The following ANTXRL variants were observed in gnomAD, a reference collection of about 807,000 sequenced individuals.
ANTXRL encodes the protein anthrax toxin receptor-like.
A neutral mutation model predicts 75.4 loss-of-function variants in ANTXRL; 63 were observed. That is an observed-to-expected ratio of 0.84 (90% CI 0.68 to 1.03). The LOEUF (loss-of-function observed/expected upper bound fraction) is 1.03. Ranked by LOEUF, ANTXRL falls within the 50% of genes least tolerant of loss-of-function variation. The pLI is 0.00. For synonymous variants in ANTXRL, 335 were observed against 291.3 expected, an observed-to-expected ratio of 1.15 and a Z score of -1.53; for missense variants, 797 against 789.4, an observed-to-expected ratio of 1.01 and a Z score of -0.12.
At chr10:46,327,202 G>A (rs1554966677) in intron 16 of ANTXRL, among the ~76,000 whole-genome samples, 1 of 152,150 alleles carries the variant, frequency 6.6e-6, no homozygotes, top group African/African-American at 2.4e-5. Flanking sequence ...GCTGGGCTGT[G>A]ATTGCCTGAA....
chr10:46,313,216 A>T lies in ANTXRL; in HGVS notation c.1330-20A>T. ...AGTGTCCAAGCTGCATGTCTTCCTC[A>T]TGGCCACGTTGCTTTTCAGGGCAAT... On this transcript the variant is annotated intron_variant, in intron 15 of 16. Transcript: ENST00000620264. 2.0e-6 allele frequency: 3 copies of T among 1,534,744 alleles called. No homozygotes were observed. The highest frequency in any genetic ancestry group is 2.6e-6 in the Non-Finnish European group (3 of 1,145,778).
At chr10:46,293,378 G>A (rs1479815242) in intron 2 of ANTXRL, among the ~76,000 whole-genome samples, 7 of 143,534 alleles carry the variant, frequency 4.9e-5, no homozygotes, top group Admixed American at 1.4e-4. Flanking sequence ...GTGCCTGTGT[G>A]TGAGTGTGTG....
chr10:46,293,407 T>C (rs1837148326), intron 2 of ANTXRL, among the ~76,000 whole-genome samples: 1 of 149,804 alleles, frequency 6.7e-6, no homozygotes, highest in Admixed American at 6.7e-5. Flanking sequence ...TGTGAGTGTG[T>C]GCCTGTGTGT....
At chr10:46,322,596 C>T (rs1839034154) in intron 16 of ANTXRL, among the ~76,000 whole-genome samples, 1 of 152,100 alleles carries the variant, frequency 6.6e-6, no homozygotes, top group Non-Finnish European at 1.5e-5. Flanking sequence ...ACAGTCATCC[C>T]ACCAGTATTT....
intron 2 of ANTXRL, among the ~76,000 whole-genome samples, chr10:46,293,473 TGC>T (rs1554957378): frequency 7.3e-6 from 1 of 136,400 alleles, no homozygotes; most frequent in Non-Finnish European, 1.6e-5. Context: ...TGTGTGTGTA[TGC>T]ATGTGTGTGG....
chr10:46,323,778 C>T (rs868922076), intron 16 of ANTXRL, among the ~76,000 whole-genome samples: 6 of 152,200 alleles, frequency 3.9e-5, no homozygotes, highest in African/African-American at 1.2e-4. Context: ...TTTGGAAGTC[C>T]TAAAGCTGGA....
chr10:46,313,081 C>T (rs1838521481), intron 15 of ANTXRL, among the ~76,000 whole-genome samples, 155 bp from the exon 16 acceptor site: 1 of 152,166 alleles, frequency 6.6e-6, no homozygotes, highest in Non-Finnish European at 1.5e-5. Flanking sequence ...ATGTCCCCAG[C>T]ACACAAGGCT....
chr10:46,304,599 G>A (rs1468280224), intron 10 of ANTXRL, among the ~76,000 whole-genome samples: 1 of 152,110 alleles, frequency 6.6e-6, no homozygotes, highest in African/African-American at 2.4e-5. Context: ...AGGCATATAG[G>A]CATAAAACCC....
intron 10 of ANTXRL, among the ~76,000 whole-genome samples, chr10:46,304,699 T>G (rs1368450454): frequency 6.6e-6 from 1 of 152,196 alleles, no homozygotes; most frequent in South Asian, 2.1e-4. Context: ...GACAACTTTC[T>G]CATATGGATG....
At chr10:46,317,266 T>C (rs1838778610) in intron 16 of ANTXRL, among the ~76,000 whole-genome samples, 1 of 152,220 alleles carries the variant, frequency 6.6e-6, no homozygotes, top group Admixed American at 6.5e-5. Context: ...TCTTGTACAC[T>C]GTTTCACTGG....
chr10:46,318,803 A>C (rs1157559892), intron 16 of ANTXRL, among the ~76,000 whole-genome samples: 1 of 152,162 alleles, frequency 6.6e-6, no homozygotes. Flanking sequence ...AATGTAACGG[A>C]GTTGAATTGA....
At chr10:46,294,277 T>C (rs1837234184) in intron 3 of ANTXRL, among the ~76,000 whole-genome samples, 1 of 152,074 alleles carries the variant, frequency 6.6e-6, no homozygotes, top group Non-Finnish European at 1.5e-5. Flanking sequence ...TCTGTGCCTG[T>C]TCCCCCTGCC....
intron 10 of ANTXRL, among the ~76,000 whole-genome samples, 155 bp from the exon 11 acceptor site, chr10:46,306,648 G>A (rs1330847172): frequency 4.6e-5 from 7 of 152,184 alleles, no homozygotes; most frequent in African/African-American, 9.7e-5. Flanking sequence ...GGGCCTGGGT[G>A]TGGCGGGTGC....
In ANTXRL at chr10:46,313,273, G is replaced by A; in HGVS notation, c.1367G>A (p.Ser456Asn). 6.5e-7 allele frequency: 1 copy of A among 1,535,884 alleles called. No homozygotes were observed. Among genetic ancestry groups the A allele is most frequent in the Non-Finnish European group, 8.7e-7 (1 of 1,146,722 alleles). The change falls in exon 16 of 17, where the codon AGC (serine) becomes AAC (asparagine). Residue 456 changes from serine (S) to asparagine (N), a missense_variant. Ser to Asn is a conservative substitution (Grantham distance 46). Coordinates refer to ENST00000620264, the MANE Select transcript of ANTXRL (RefSeq NM_001278688.3). ...ACCTTTTGTGACCTCTCTCACGCAA[G>A]CTGCCACCAGGTGCCATGGATGTGT... The part of the protein sequence containing the change: ...LDTFCDLSHA[S>N]CHQVPWMCCQ...
chr10:46,298,344 G>A (rs1554959648), intron 9 of ANTXRL, among the ~76,000 whole-genome samples: 1 of 151,760 alleles, frequency 6.6e-6, no homozygotes, highest in Non-Finnish European at 1.5e-5. Context: ...GTGTGCTGTG[G>A]AAATGTGTGT....
chr10:46,305,787 A>G (rs1838043955), intron 10 of ANTXRL, among the ~76,000 whole-genome samples: 2 of 152,200 alleles, frequency 1.3e-5, no homozygotes, highest in Middle Eastern at 3.4e-3. Flanking sequence ...AAATTGGAAA[A>G]CAAAATTACA....
chr10:46,295,762 TG>T (rs1376649608), intron 3 of ANTXRL, among the ~76,000 whole-genome samples: 9 of 152,262 alleles, frequency 5.9e-5, no homozygotes, highest in African/African-American at 1.9e-4. Context: ...AAACTCCTAC[TG>T]TCACCAGAGA....
At chr10:46,308,098 T>C (rs1838199800) in intron 12 of ANTXRL, among the ~76,000 whole-genome samples, 1 of 152,160 alleles carries the variant, frequency 6.6e-6, no homozygotes, top group African/African-American at 2.4e-5. Context: ...GAGGATGTGC[T>C]GGAGGGACGG....
chr10:46,293,333 T>TGTGCGTGTGTGC (rs1448842573), intron 2 of ANTXRL, among the ~76,000 whole-genome samples: 1 of 147,124 alleles, frequency 6.8e-6, no homozygotes, highest in East Asian at 2.0e-4. Flanking sequence ...TGTGTGAGTG[T>TGTGCGTGTGTGC]GTGCGTGTGT....
Sources: allele counts gnomAD v4.1 joint callset (sites outside exome capture counted in the v4.1 genomes callset), GRCh38; gene constraint gnomAD v4.1.1; transcripts MANE v1.5; gene names NCBI Gene and HGNC (gene_info 2026-07-23, HGNC 2026-07-21).